The following RDH13 variants were observed in gnomAD, a reference collection of about 807,000 sequenced individuals.
RDH13 encodes retinol dehydrogenase 13 (all-trans and 9-cis).
Under a neutral mutation model 28.3 loss-of-function variants are expected in RDH13, and 35 were observed. That is an observed-to-expected ratio of 1.24 (90% CI 0.95 to 1.64). RDH13 has a LOEUF of 1.64. Ranked by LOEUF, RDH13 falls within the 40% of genes most tolerant of loss-of-function variation. The probability of loss-of-function intolerance (pLI) is 0.00; values close to 1 mark genes in which losing one functional copy is unlikely to be tolerated. For synonymous variants in RDH13, 229 were observed against 198.5 expected (o/e 1.15, Z -1.29); for missense variants, 514 against 446.3 (o/e 1.15, Z -1.37).
chr19:55,047,817 C>T (rs1001227220), intron 5 of RDH13, among the ~76,000 whole-genome samples: 1 of 152,178 alleles, frequency 6.6e-6, no homozygotes, highest in Non-Finnish European at 1.5e-5. Context: ...CGCTGGTCCA[C>T]AGACCGTCTT....
chr19:55,051,905 A>C (rs2075452613), intron 3 of RDH13, among the ~76,000 whole-genome samples: 1 of 150,684 alleles, frequency 6.6e-6, no homozygotes. Context: ...CTACTTTTAA[A>C]ATTTTTTGTA....
downstream of RDH13, chr19:55,041,373 C>G (rs918973614): frequency 6.6e-6 from 1 of 152,260 alleles, no homozygotes; most frequent in Non-Finnish European, 1.5e-5. Flanking sequence ...GGCATGTGGT[C>G]GGTCGAAGCC....
downstream of RDH13, chr19:55,040,969 A>T (rs2075012462): frequency 6.6e-6 from 1 of 152,206 alleles, no homozygotes; most frequent in Non-Finnish European, 1.5e-5. Flanking sequence ...TCTACTAAAA[A>T]TACAAAATTA....
At chr19:55,066,453 CCCTCTCTCTT>C (rs1382086216), upstream of RDH13, among the ~76,000 whole-genome samples, 4 of 49,884 alleles carry the variant, frequency 8.0e-5, no homozygotes, top group South Asian at 9.2e-4. Flanking sequence ...CCCTCTCTCT[CCCTCTCTCTT>C]CCTCTCTCTC....
intron 3 of RDH13, among the ~76,000 whole-genome samples, chr19:55,052,140 C>T (rs1227952991): frequency 6.9e-6 from 1 of 144,278 alleles, no homozygotes; most frequent in Non-Finnish European, 1.5e-5. Context: ...CACTGCAGGC[C>T]GGGCGTGGTG....
chr19:55,051,729 GTT>G (rs79209121), intron 3 of RDH13, among the ~76,000 whole-genome samples: 1 of 143,516 alleles, frequency 7.0e-6, no homozygotes, highest in Non-Finnish European at 1.5e-5. Context: ...CGCCCAGCCT[GTT>G]TTTTTTTTTT....
upstream of RDH13, among the ~76,000 whole-genome samples, chr19:55,066,255 T>G (rs151131765): frequency 2.8e-3 from 425 of 152,292 alleles, 2 homozygotes; most frequent in African/African-American, 9.7e-3. Context: ...GTTGTTAACA[T>G]GTTCCTGATC....
chr19:55,057,328 T>A (rs2147053883), intron 2 of RDH13, among the ~76,000 whole-genome samples: 1 of 152,242 alleles, frequency 6.6e-6, no homozygotes, highest in Non-Finnish European at 1.5e-5. Flanking sequence ...GATGGTTGCA[T>A]CATTCTGTGA....
intron 1 of RDH13, among the ~76,000 whole-genome samples, 182 bp from the exon 2 acceptor site, chr19:55,059,457 C>T (rs1405442606): frequency 6.6e-6 from 1 of 152,228 alleles, no homozygotes; most frequent in African/African-American, 2.4e-5. Flanking sequence ...CACCCAGTGT[C>T]TGGCGTGTGG....
chr19:55,047,113 C>T (rs2075260765), intron 6 of RDH13: 1 of 1,368,822 alleles, frequency 7.3e-7, no homozygotes, highest in Non-Finnish European at 9.4e-7. Flanking sequence ...ACCCTGAGTA[C>T]AGCCTGACTC....
At chr19:55,062,676 C>A (rs984544393) in intron 1 of RDH13, among the ~76,000 whole-genome samples, 3 of 152,192 alleles carry the variant, frequency 2.0e-5, no homozygotes, top group Non-Finnish European at 4.4e-5. Context: ...CCAGATTCTG[C>A]CTTTAAAAAT....
chr19:55,045,296 C>T lies in RDH13; in HGVS notation c.774G>A (p.Trp258Ter), dbSNP rs754633531. The stretch of plus-strand genomic sequence containing the variant: ...CCAGCTCGGGGCTCTTGACCAGCAG[C>T]CAGAAGATGGGCCCTGCAATCAGCC... ...FSSTTLGPIF[W>*]LLVKSPELAA... Residue 258 changes from tryptophan (W) to a stop codon, truncating the protein, a stop_gained, in exon 7 of 7, where the codon TGG becomes TGA. Coordinates refer to ENST00000415061, the MANE Select transcript of RDH13 (RefSeq NM_001145971.2). LOFTEE classifies it high-confidence loss of function. The T allele has an allele frequency of 1.9e-6, 3 of 1,612,054 alleles. No homozygotes were observed. Among genetic ancestry groups the T allele is most frequent in the East Asian group, 4.5e-5 (2 of 44,858 alleles).
At chr19:55,049,664 C>A in intron 3 of RDH13, among the ~76,000 whole-genome samples, 1 of 152,010 alleles carries the variant, frequency 6.6e-6, no homozygotes, top group East Asian at 1.9e-4. Flanking sequence ...TGGCATGCAC[C>A]TGTAATCCCA....
chr19:55,052,401 G>A (rs1368013601), intron 3 of RDH13, among the ~76,000 whole-genome samples: 7 of 151,486 alleles, frequency 4.6e-5, no homozygotes, highest in African/African-American at 1.2e-4. Context: ...AAAATTAGCC[G>A]GGCGTGGTGG....
At chr19:55,054,823 A>C (rs2147040338) in intron 3 of RDH13, among the ~76,000 whole-genome samples, 1 of 151,822 alleles carries the variant, frequency 6.6e-6, no homozygotes, top group South Asian at 2.1e-4. Context: ...AGCAATCCTA[A>C]GAGAAGAGAT....
At chr19:55,047,014 G>T in intron 6 of RDH13, 1 of 603,312 alleles carries the variant, frequency 1.7e-6, no homozygotes, top group Non-Finnish European at 2.3e-6. Flanking sequence ...GTCCTATTAA[G>T]GCCTGCACTC....
chr19:55,046,245 C>A (rs1178224359), intron 6 of RDH13, among the ~76,000 whole-genome samples: 10 of 139,288 alleles, frequency 7.2e-5, no homozygotes, highest in Non-Finnish European at 6.2e-5. Flanking sequence ...AACTCCGTCT[C>A]AAAAAAAAAA....
At chr19:55,062,679 T>C (rs2075843114) in intron 1 of RDH13, among the ~76,000 whole-genome samples, 1 of 152,206 alleles carries the variant, frequency 6.6e-6, no homozygotes, top group South Asian at 2.1e-4. Context: ...GATTCTGCCT[T>C]TAAAAATAAA....
At chr19:55,062,929 C>T in intron 1 of RDH13, 39 bp downstream of exon 1, 6 of 1,413,234 alleles carry the variant, frequency 4.2e-6, no homozygotes, top group Non-Finnish European at 5.5e-6. Context: ...GCGCTGGGGG[C>T]CCGCCTTGAC....
Sources: allele counts gnomAD v4.1 joint callset (sites outside exome capture counted in the v4.1 genomes callset), GRCh38; gene constraint gnomAD v4.1.1; transcripts MANE v1.5; gene names NCBI Gene and HGNC (gene_info 2026-07-23, HGNC 2026-07-21).